Variants in NLGN4X observed in about 807,000 individuals in gnomAD.
NLGN4X encodes neuroligin 4 X-linked.
Under a neutral mutation model 40.3 loss-of-function variants are expected in NLGN4X, and 3 were observed. The observed-to-expected ratio is 0.07, with a 90% CI of 0.03 to 0.19. NLGN4X has a LOEUF of 0.19. Ranked by LOEUF, NLGN4X falls within the 10% of genes least tolerant of loss-of-function variation. The pLI is 1.00. For synonymous variants in NLGN4X, 270 were observed against 306.8 expected (o/e 0.88, Z 1.25); for missense variants, 382 against 708.3 (o/e 0.54, Z 5.23).
intron 3 of NLGN4X, among the ~76,000 whole-genome samples, chrX:6,001,591 G>A (rs1321707998): frequency 1.8e-5 from 2 of 111,266 alleles, no homozygotes; most frequent in Non-Finnish European, 3.8e-5. Flanking sequence ...TGAAATAAAA[G>A]CATTTAATTT....
In NLGN4X at chrX:5,891,412, G is replaced by C. The variant is rs1051632622; in HGVS notation, c.*1405C>G. 5 of 220,726 alleles carry C rather than the reference G, an allele frequency of 2.3e-5. No individual in the cohort carries two copies. The Admixed American group carries it at 3.1e-4, about 14-fold the overall frequency. The allele number at this position is 220,726 out of a possible 1,213,427, so 18.2% of individuals were successfully genotyped here. ...GTTTGATCCCATAAATGATATAAAA[G>C]ATTTTTAAAAACCTGCTTACTGATA... On this transcript the variant is annotated 3_prime_UTR_variant, in exon 6 of 6. Transcript: ENST00000381095.
chrX:6,004,626 T>C (rs1241089514), intron 3 of NLGN4X, among the ~76,000 whole-genome samples: 1 of 112,027 alleles, frequency 8.9e-6, no homozygotes, highest in African/African-American at 3.2e-5. Flanking sequence ...GGCATGCTTT[T>C]CTTCTTCTAT....
intron 2 of NLGN4X, among the ~76,000 whole-genome samples, chrX:6,032,429 T>C (rs1447123283): frequency 1.9e-5 from 2 of 106,851 alleles, no homozygotes; most frequent in African/African-American, 6.8e-5. Flanking sequence ...AAAGGGCTTC[T>C]CTGTAAACAG....
At chrX:6,058,645 T>C (rs765140966) in intron 2 of NLGN4X, among the ~76,000 whole-genome samples, 2 of 112,066 alleles carry the variant, frequency 1.8e-5, no homozygotes, top group South Asian at 7.4e-4. Context: ...AAAGGATTGA[T>C]ACTGGGCACA....
chrX:5,911,406 G>C (rs2032471578), intron 3 of NLGN4X, among the ~76,000 whole-genome samples: 3 of 111,676 alleles, frequency 2.7e-5, no homozygotes, highest in Admixed American at 9.5e-5. Flanking sequence ...CCAAAAGCAG[G>C]CTAATGAATA....
intron 1 of NLGN4X, among the ~76,000 whole-genome samples, chrX:6,207,055 TACACACAC>T (rs371238129): frequency 9.4e-6 from 1 of 106,531 alleles, no homozygotes; most frequent in Non-Finnish European, 1.9e-5. Flanking sequence ...CACACACACA[TACACACAC>T]ACACACACAG....
chrX:6,175,803 C>G (rs776026257), intron 1 of NLGN4X, among the ~76,000 whole-genome samples: 8 of 110,473 alleles, frequency 7.2e-5, no homozygotes, highest in South Asian at 4.0e-4. Context: ...CTCACCTCCC[C>G]CTCCCATCAC....
intron 3 of NLGN4X, among the ~76,000 whole-genome samples, chrX:5,946,203 C>T (rs1373515971): frequency 9.0e-6 from 1 of 111,202 alleles, no homozygotes; most frequent in Non-Finnish European, 1.9e-5. Flanking sequence ...ATACCCACCC[C>T]CATGATCTAG....
intron 2 of NLGN4X, among the ~76,000 whole-genome samples, chrX:6,055,550 T>G (rs2147308621): frequency 9.0e-6 from 1 of 111,138 alleles, no homozygotes; most frequent in Non-Finnish European, 1.9e-5. Flanking sequence ...ACTACCTGGG[T>G]GACAGGATCC....
intron 2 of NLGN4X, among the ~76,000 whole-genome samples, chrX:6,042,650 T>C (rs1451557256): frequency 4.1e-4 from 36 of 87,328 alleles, no homozygotes; most frequent in African/African-American, 1.3e-3. Flanking sequence ...CTTGTTGAAA[T>C]GTTGTATTAA....
At chrX:5,957,414 C>A (rs1330344150) in intron 3 of NLGN4X, among the ~76,000 whole-genome samples, 1 of 111,662 alleles carries the variant, frequency 9.0e-6, no homozygotes, top group Non-Finnish European at 1.9e-5. Context: ...CCTTTCACAG[C>A]AAATATATAT....
At chrX:6,212,903 T>C (rs1027398584) in intron 1 of NLGN4X, among the ~76,000 whole-genome samples, 1 of 112,098 alleles carries the variant, frequency 8.9e-6, no homozygotes, top group Non-Finnish European at 1.9e-5. Context: ...AATATCCATG[T>C]GTCCATACTG....
At chrX:5,944,329 T>C (rs746474421) in intron 3 of NLGN4X, among the ~76,000 whole-genome samples, 47 of 110,438 alleles carry the variant, frequency 4.3e-4, no homozygotes, top group African/African-American at 1.5e-3. Context: ...GAATAGGGCA[T>C]AAGAGTCCAC....
In NLGN4X at chrX:5,890,276, T is replaced by C; in HGVS notation, c.*2541A>G. On this transcript the variant is annotated 3_prime_UTR_variant, in exon 6 of 6. Transcript: ENST00000381095. ...TCATTTTTTTTCTTTTTTCTCTTTT[T>C]TATAGATAGCAAGTATATTTTTTCT... The C allele has an allele frequency of 5.8e-6, 1 of 172,819 alleles. No homozygotes were observed. Among genetic ancestry groups the C allele is most frequent in the Non-Finnish European group, 1.1e-5 (1 of 93,516 alleles). 14.2% of individuals were successfully genotyped at this position (172,819 alleles called of 1,213,427 possible). A position where few individuals can be genotyped will look rare whatever the true frequency, so the allele number is the denominator to read the frequency against.
intron 2 of NLGN4X, among the ~76,000 whole-genome samples, chrX:6,127,436 C>A (rs767464065): frequency 8.9e-6 from 1 of 112,076 alleles, no homozygotes; most frequent in African/African-American, 3.2e-5. Flanking sequence ...TGGTGAAACC[C>A]CATCTCTACT....
chrX:6,062,103 T>C (rs376164533), intron 2 of NLGN4X, among the ~76,000 whole-genome samples: 2 of 111,722 alleles, frequency 1.8e-5, no homozygotes, highest in African/African-American at 3.3e-5. Flanking sequence ...TGATGTCTCA[T>C]AGACATTTCA....
At chrX:6,198,298 G>T (rs895557236) in intron 1 of NLGN4X, among the ~76,000 whole-genome samples, 7 of 111,083 alleles carry the variant, frequency 6.3e-5, no homozygotes, top group East Asian at 2.8e-4. Context: ...ATTCCAACTC[G>T]CCCTGGGTAG....
chrX:5,930,480 G>A (rs1020874767), intron 3 of NLGN4X, among the ~76,000 whole-genome samples: 1 of 112,076 alleles, frequency 8.9e-6, no homozygotes, highest in Non-Finnish European at 1.9e-5. Context: ...AGCCCTTGGT[G>A]TCATTCTTTT....
intron 1 of NLGN4X, among the ~76,000 whole-genome samples, chrX:6,225,027 T>C (rs111706295): frequency 3.7e-3 from 197 of 53,018 alleles, no homozygotes; most frequent in Non-Finnish European, 5.0e-3. Flanking sequence ...CACACACACA[T>C]ATATGTAGAA....
Sources: gnomAD v4.1 joint callset for allele counts (sites outside exome capture counted in the v4.1 genomes callset) on GRCh38, gnomAD v4.1.1 for gene constraint, MANE v1.5 for transcripts, NCBI Gene and HGNC (gene_info 2026-07-23, HGNC 2026-07-21) for gene names.